PIGN: variants seen among roughly 807,000 people sequenced by gnomAD.
The protein encoded by PIGN is GPI ethanolamine phosphate transferase 1.
A neutral mutation model predicts 125.4 loss-of-function variants in PIGN; 117 were observed. The ratio of observed to expected loss-of-function variants is 0.93; its 90% confidence interval spans 0.80 to 1.09. PIGN has a LOEUF of 1.09. PIGN is among the 50% of genes least tolerant of loss of function. The probability of loss-of-function intolerance (pLI) is 0.00; values close to 1 mark genes in which losing one functional copy is unlikely to be tolerated. For synonymous variants in PIGN, 392 were observed against 377.8 expected, an observed-to-expected ratio of 1.04 and a Z score of -0.44; for missense variants, 1,075 against 1,094.9, an observed-to-expected ratio of 0.98 and a Z score of 0.26.
At chr18:62,170,929 T>C (rs563428251) in intron 1 of PIGN, among the ~76,000 whole-genome samples, 19 of 152,204 alleles carry the variant, frequency 1.2e-4, no homozygotes, top group Non-Finnish European at 2.8e-4. Flanking sequence ...AGCCACAACA[T>C]TTCCTCAAGC....
At chr18:62,155,336 G>A (rs903068217) in intron 6 of PIGN, among the ~76,000 whole-genome samples, 33 of 152,272 alleles carry the variant, frequency 2.2e-4, no homozygotes, top group African/African-American at 7.9e-4. Context: ...GGAGGCCGAG[G>A]CAGGTGGATC....
chr18:62,120,334 C>A (rs1004755924), intron 14 of PIGN, among the ~76,000 whole-genome samples: 1 of 152,248 alleles, frequency 6.6e-6, no homozygotes, highest in South Asian at 2.1e-4. Flanking sequence ...TCTAGAATTT[C>A]ACTTGAAAAG....
At chr18:62,072,651 T>C in intron 30 of PIGN, 22 bp downstream of exon 30, 1 of 1,580,396 alleles carries the variant, frequency 6.3e-7, no homozygotes, top group Non-Finnish European at 8.7e-7. Context: ...TGTTAAGCAA[T>C]GCATGACCAT....
chr18:62,086,071 T>C (rs2033683743), intron 25 of PIGN, among the ~76,000 whole-genome samples: 1 of 152,232 alleles, frequency 6.6e-6, no homozygotes, highest in African/African-American at 2.4e-5. Flanking sequence ...CAACCGTTTA[T>C]TGTCTAGTAG....
chr18:62,140,213 G>A (rs2036082634), intron 12 of PIGN, among the ~76,000 whole-genome samples: 1 of 151,996 alleles, frequency 6.6e-6, no homozygotes, highest in African/African-American at 2.4e-5. Context: ...TGGAAGCAGT[G>A]GTGCATGCCT....
intron 14 of PIGN, among the ~76,000 whole-genome samples, chr18:62,119,167 A>G (rs1206022745): frequency 6.6e-6 from 1 of 152,198 alleles, no homozygotes; most frequent in East Asian, 1.9e-4. Context: ...CTTTGTGGCC[A>G]TCAGAGGACA....
intron 30 of PIGN, chr18:62,052,731 T>C (rs527658824): frequency 1.2e-5 from 2 of 162,362 alleles, no homozygotes; most frequent in South Asian, 4.1e-4. Flanking sequence ...ATGTGTGAAT[T>C]TGATCCTGTC....
chr18:62,155,459 C>T (rs1231981579), intron 6 of PIGN, among the ~76,000 whole-genome samples: 3 of 152,138 alleles, frequency 2.0e-5, no homozygotes, highest in Non-Finnish European at 4.4e-5. Flanking sequence ...ATCCCAGCTA[C>T]TCAGGGGGCT....
At position 62,148,315 on chromosome 18, in the gene PIGN, G is replaced by T; in HGVS notation, c.573C>A (p.Asn191Lys). The T allele has an allele frequency of 6.6e-7, 1 of 1,521,008 alleles. No individual in the cohort carries two copies. The highest frequency in any genetic ancestry group is 8.8e-7 in the Non-Finnish European group (1 of 1,130,566). The allele number at this position is 1,521,008 out of a possible 1,614,324, so 94.2% of individuals were successfully genotyped here. ...TTATTTTAGAAAACAAAGACTGGTT[G>T]TTTCTGGCATGATGAAAGAAGTCCT... ...NVKDFFHHAR[N>K]NQSLFSKINE... The change falls in exon 8 of 31, where the codon AAC (asparagine) becomes AAA (lysine). Residue 191 changes from asparagine to lysine, a missense_variant. This residue lies in a region of PIGN where 915 missense variants were observed against 908.7 expected (regional missense o/e 1.01). Transcript: ENST00000640252.
At chr18:62,121,649 T>C (rs1355979512) in intron 14 of PIGN, among the ~76,000 whole-genome samples, 1 of 152,128 alleles carries the variant, frequency 6.6e-6, no homozygotes, top group Non-Finnish European at 1.5e-5. Flanking sequence ...CTTATTTCAC[T>C]TAACATAATG....
chr18:62,037,878 T>G (rs937202760), downstream of PIGN, among the ~76,000 whole-genome samples: 3 of 152,132 alleles, frequency 2.0e-5, no homozygotes, highest in African/African-American at 7.2e-5. Flanking sequence ...TTATGTGAGA[T>G]CATGAGTGTA....
At chr18:62,164,605 A>C (rs2037066475) in intron 1 of PIGN, among the ~76,000 whole-genome samples, 1 of 152,150 alleles carries the variant, frequency 6.6e-6, no homozygotes, top group Non-Finnish European at 1.5e-5. Context: ...CCCATGATTC[A>C]ATCGCCTCCC....
intron 30 of PIGN, among the ~76,000 whole-genome samples, chr18:62,046,830 G>A (rs896795929): frequency 3.9e-5 from 6 of 152,142 alleles, no homozygotes; most frequent in African/African-American, 9.7e-5. Context: ...GGAACCCAAG[G>A]ATACAGAGGG....
At chr18:62,034,696 C>T (rs2030235022) in intron 23 of PIGN, among the ~76,000 whole-genome samples, 1 of 152,180 alleles carries the variant, frequency 6.6e-6, no homozygotes, top group Non-Finnish European at 1.5e-5. Flanking sequence ...CAACTTCTCC[C>T]ATTTGAAACA....
intron 19 of PIGN, among the ~76,000 whole-genome samples, chr18:62,106,565 T>C (rs118096685): frequency 2.6e-5 from 4 of 152,298 alleles, no homozygotes; most frequent in Non-Finnish European, 5.9e-5. Context: ...GTACAACTTA[T>C]ATAGCATTTC....
intron 1 of PIGN, among the ~76,000 whole-genome samples, chr18:62,179,420 T>C (rs1430849050): frequency 2.0e-5 from 3 of 152,186 alleles, no homozygotes; most frequent in Non-Finnish European, 4.4e-5. Flanking sequence ...GAAGAGTATA[T>C]ATGTTAAACC....
chr18:62,140,307 C>T, intron 12 of PIGN, 113 bp downstream of exon 12: 2 of 506,468 alleles, frequency 3.9e-6, no homozygotes, highest in Admixed American at 3.6e-5. Flanking sequence ...CATAGCAAGA[C>T]CCCATCTAAA....
rs1485442732 is a variant in PIGN, at chr18:62,161,286, TAAATGTCA to T, written c.60_67del (p.Phe20LeufsTer30). The T allele has an allele frequency of 6.2e-7, 1 of 1,613,662 alleles. No homozygotes were observed. The highest frequency in any genetic ancestry group is 1.1e-5 in the South Asian group (1 of 91,064). On this transcript the variant is annotated frameshift_variant, in exon 4 of 31. Transcript: ENST00000640252. LOFTEE classifies it high-confidence loss of function. ...TCCATGAACCAAAGGAGATGTAAAA[TAAATGTCA>T]AAGATGGAGGCGAAGAACACAAAAT... is the stretch of plus-strand genomic sequence containing the variant.
chr18:62,115,272 T>C (rs1319659402), intron 14 of PIGN, among the ~76,000 whole-genome samples: 2 of 152,192 alleles, frequency 1.3e-5, no homozygotes, highest in Non-Finnish European at 2.9e-5. Flanking sequence ...CAAAAAATAC[T>C]GCATAACCCG....
Sources: gnomAD v4.1 joint callset for allele counts (sites outside exome capture counted in the v4.1 genomes callset) on GRCh38, gnomAD v4.1.1 for gene constraint, gnomAD v4.1.1 regional missense constraint, MANE v1.5 for transcripts, NCBI Gene and HGNC (gene_info 2026-07-23, HGNC 2026-07-21) for gene names.